The following GLP2R variants were observed in gnomAD, a reference collection of about 807,000 sequenced individuals.
GLP2R encodes the protein glucagon-like peptide 2 receptor.
GLP2R carries 59 observed loss-of-function variants against 68.2 expected under a neutral mutation model. The observed-to-expected ratio is 0.87, with a 90% CI of 0.70 to 1.07. GLP2R has a LOEUF of 1.07. GLP2R is among the 50% of genes least tolerant of loss of function. GLP2R has a pLI of 0.00. For synonymous variants in GLP2R, 270 were observed against 265.4 expected, an observed-to-expected ratio of 1.02 and a Z score of -0.17; for missense variants, 548 against 677.4, an observed-to-expected ratio of 0.81 and a Z score of 2.12.
chr17:9,883,426 T>TA (rs2067214382), intron 11 of GLP2R, among the ~76,000 whole-genome samples: 1 of 152,074 alleles, frequency 6.6e-6, no homozygotes, highest in African/African-American at 2.4e-5. Flanking sequence ...AAGATAGAAA[T>TA]GGTAGAATAA....
chr17:9,836,474 A>G lies in GLP2R; in HGVS notation c.381A>G (p.Glu127=). 6.4e-7 allele frequency: 1 copy of G among 1,572,358 alleles called. No individual in the cohort carries two copies. Residue 127 remains glutamate, a splice_region_variant and synonymous_variant, in exon 3 of 13, where the codon GAA becomes GAG. Coordinates refer to ENST00000262441, the MANE Select transcript of GLP2R (RefSeq NM_004246.3). ...CTTCATACTTACCTTGGTGGAGTGA[A>G]GGTAATAAGTCTTATTTTTACCAAT... The part of the protein sequence containing the change: ...PCPSYLPWWS[E]ESSGRAYRHC...
At chr17:9,871,917 G>A (rs2067098101) in intron 10 of GLP2R, among the ~76,000 whole-genome samples, 1 of 151,982 alleles carries the variant, frequency 6.6e-6, no homozygotes, top group African/African-American at 2.4e-5. Flanking sequence ...TAGAGACAGA[G>A]TTTCACCATG....
chr17:9,851,894 A>T (rs2066894549), intron 4 of GLP2R, among the ~76,000 whole-genome samples: 1 of 152,152 alleles, frequency 6.6e-6, no homozygotes, highest in South Asian at 2.1e-4. Flanking sequence ...ATATTAAAAA[A>T]AAAATAACAA....
At chr17:9,865,625 G>A (rs2067028724) in intron 9 of GLP2R, among the ~76,000 whole-genome samples, 1 of 152,174 alleles carries the variant, frequency 6.6e-6, no homozygotes, top group South Asian at 2.1e-4. Context: ...GCACACATAA[G>A]CCTCAAGTGC....
At chr17:9,877,071 A>G (rs192285321) in intron 10 of GLP2R, among the ~76,000 whole-genome samples, 2 of 152,322 alleles carry the variant, frequency 1.3e-5, no homozygotes, top group South Asian at 2.1e-4. Flanking sequence ...ATAATTGGCA[A>G]CACTGAGATT....
chr17:9,852,969 G>T, intron 4 of GLP2R: 1 of 478,892 alleles, frequency 2.1e-6, no homozygotes, highest in East Asian at 4.6e-5. Flanking sequence ...CCTAAGTGCT[G>T]TCCACTAATA....
Position 9,872,180 on chromosome 17 carries a change from C to T in GLP2R, c.1145+1345C>T, listed in dbSNP as rs187023431. ...ATGGCCCTAGCCCTGTTTCTCTCCC[C>T]TTTATAAGGCCTCACCCAGGTGCTG... On this transcript the variant is annotated intron_variant, in intron 10 of 12. Coordinates refer to ENST00000262441, the MANE Select transcript of GLP2R (RefSeq NM_004246.3). 2.8e-4 allele frequency among the ~76,000 whole-genome samples: 42 copies of T among 152,350 alleles called. No individual in the cohort carries two copies. In the East Asian group the frequency reaches 7.9e-3, roughly 29 times the overall value.
intron 5 of GLP2R, among the ~76,000 whole-genome samples, chr17:9,856,734 C>T (rs554815705): frequency 1.3e-5 from 2 of 152,284 alleles, no homozygotes; most frequent in Admixed American, 6.5e-5. Context: ...CCCAACTCTG[C>T]GACTTACTGC....
intron 4 of GLP2R, among the ~76,000 whole-genome samples, chr17:9,847,362 C>T (rs908403499): frequency 3.9e-5 from 6 of 152,072 alleles, no homozygotes; most frequent in Non-Finnish European, 5.9e-5. Context: ...CTCCGCCTTC[C>T]GGTTTCAAGC....
intron 6 of GLP2R, among the ~76,000 whole-genome samples, chr17:9,859,286 C>T (rs963858824): frequency 6.6e-6 from 1 of 152,092 alleles, no homozygotes; most frequent in Admixed American, 6.6e-5. Flanking sequence ...TTGATTTTAG[C>T]TTAATTGAAC....
intron 9 of GLP2R, among the ~76,000 whole-genome samples, chr17:9,862,303 G>T (rs2066994457): frequency 6.6e-6 from 1 of 152,176 alleles, no homozygotes; most frequent in African/African-American, 2.4e-5. Context: ...TTCTCTCTGG[G>T]TCTTCAAACT....
At position 9,890,283 on chromosome 17, in the gene GLP2R, G is replaced by T; in HGVS notation, c.*578G>T. The T allele has an allele frequency of 3.0e-6, 1 of 335,506 alleles. No homozygotes were observed. 20.8% of individuals were successfully genotyped at this position (335,506 alleles called of 1,614,324 possible). A position where few individuals can be genotyped will look rare whatever the true frequency, so the allele number is the denominator to read the frequency against. On this transcript the variant is annotated 3_prime_UTR_variant, in exon 13 of 13. Transcript: ENST00000262441. The stretch of plus-strand genomic sequence containing the variant: ...GAGGGAGCTAGAAGCGCCCCCATGT[G>T]GCCATGGCAGGATGCTGCAAGAGAC...
At position 9,826,068 on chromosome 17, in the gene GLP2R, A is replaced by G. The variant is rs966367313; in HGVS notation, c.5A>G (p.Lys2Arg). 4 of 1,610,930 alleles carry G rather than the reference A, an allele frequency of 2.5e-6. No individual in the cohort carries two copies. Among genetic ancestry groups the G allele is most frequent in the Non-Finnish European group, 3.4e-6 (4 of 1,179,166 alleles). ...TTGTGAAGGTGCACGAGGAAGATGA[A>G]GCTGGGATCGAGCAGGGCAGGGCCT... Reference protein sequence around the residue: MKLGSSRAGPGR... With the variant: MRLGSSRAGPGR... Residue 2 changes from lysine (K) to arginine (R), a missense_variant, in exon 1 of 13, where the codon AAG (lysine) becomes AGG (arginine). Physicochemically the swap from Lys to Arg is conservative, Grantham distance 26. Coordinates refer to ENST00000262441, the MANE Select transcript of GLP2R (RefSeq NM_004246.3).
Position 9,889,744 on chromosome 17 carries a change from C to A in GLP2R, c.*39C>A. ...CACCCTGGCTCTGCTCCCAGGGACT[C>A]TTGAGGGGGCCCAGGAAGAGGAAGC... On this transcript the variant is annotated 3_prime_UTR_variant, in exon 13 of 13. Transcript: ENST00000262441. The A allele has an allele frequency of 7.7e-7, 1 of 1,301,232 alleles. No homozygotes were observed. Among genetic ancestry groups the A allele is most frequent in the Non-Finnish European group, 1.1e-6 (1 of 950,358 alleles). The allele number at this position is 1,301,232 out of a possible 1,614,324, so 80.6% of individuals were successfully genotyped here.
At chr17:9,847,419 G>C (rs1042747896) in intron 4 of GLP2R, among the ~76,000 whole-genome samples, 2 of 151,990 alleles carry the variant, frequency 1.3e-5, no homozygotes, top group Non-Finnish European at 2.9e-5. Context: ...ACAGGGGCAC[G>C]CTGCCACACC....
At chr17:9,862,724 G>A (rs1319754589) in intron 9 of GLP2R, among the ~76,000 whole-genome samples, 5 of 152,164 alleles carry the variant, frequency 3.3e-5, no homozygotes. Context: ...GCAAACACTG[G>A]GAAGGGTTAG....
intron 9 of GLP2R, among the ~76,000 whole-genome samples, chr17:9,864,487 TTTG>T (rs1384267708): frequency 3.2e-4 from 28 of 86,268 alleles, no homozygotes; most frequent in African/African-American, 6.9e-4. Flanking sequence ...TTTCTGTTTT[TTTG>T]TTTGTTTGTT....
chr17:9,844,696 TTTTTTTTTTTG>T lies in GLP2R; in HGVS notation c.504+2082_504+2092del, dbSNP rs2066821239. ...TTTTTTTTTTTTTTTTTTTTTTTTT[TTTTTTTTTTTG>T]TGAGGCAGAGTCTCGCTCTGTCACC... On this transcript the variant is annotated intron_variant, in intron 4 of 12. Coordinates refer to ENST00000262441, the MANE Select transcript of GLP2R (RefSeq NM_004246.3). 1.4e-4 allele frequency among the ~76,000 whole-genome samples: 13 copies of T among 90,376 alleles called. No homozygotes were observed. The East Asian group carries it at 2.0e-3, about 14-fold the overall frequency. The allele number at this position is 90,376 out of a possible 152,430, so 59.3% of individuals were successfully genotyped here.
At chr17:9,874,249 C>T (rs771564370) in intron 10 of GLP2R, among the ~76,000 whole-genome samples, 4 of 152,248 alleles carry the variant, frequency 2.6e-5, no homozygotes, top group South Asian at 4.1e-4. Context: ...CATGGCTGAG[C>T]GATGATCCAG....
Sources: gnomAD v4.1 joint callset for allele counts (sites outside exome capture counted in the v4.1 genomes callset) on GRCh38, gnomAD v4.1.1 for gene constraint, MANE v1.5 for transcripts, NCBI Gene and HGNC (gene_info 2026-07-23, HGNC 2026-07-21) for gene names.